Variants in UBAP2 observed in about 807,000 individuals in gnomAD.
UBAP2 encodes ubiquitin associated protein 2.
Under a neutral mutation model 139.6 loss-of-function variants are expected in UBAP2, and 75 were observed. That is an observed-to-expected ratio of 0.54 (90% CI 0.45 to 0.65). The LOEUF (loss-of-function observed/expected upper bound fraction) is 0.65. UBAP2 is among the 30% of genes least tolerant of loss of function. The pLI, the probability that UBAP2 is intolerant of heterozygous loss-of-function variation, is 0.00. For missense variants in UBAP2, 1,368 were observed against 1,369.6 expected, an observed-to-expected ratio of 1.00 and a Z score of 0.02; for synonymous variants, 526 against 526.2, an observed-to-expected ratio of 1.00 and a Z score of 0.01.
intron 8 of UBAP2, among the ~76,000 whole-genome samples, chr9:33,964,436 A>T (rs74849793): frequency 0.01 from 1,576 of 152,266 alleles, 17 homozygotes; most frequent in African/African-American, 0.029. Context: ...AGAAAATTTT[A>T]AAAAAAGTAA....
intron 22 of UBAP2, among the ~76,000 whole-genome samples, chr9:33,926,122 G>A (rs1459660947): frequency 6.6e-6 from 1 of 152,166 alleles, no homozygotes; most frequent in Admixed American, 6.5e-5. Context: ...TGGGAGGCCA[G>A]ACCCAGAAGA....
chr9:34,009,035 C>T (rs1434106781), intron 2 of UBAP2, among the ~76,000 whole-genome samples: 4 of 142,974 alleles, frequency 2.8e-5, no homozygotes, highest in African/African-American at 1.0e-4. Context: ...CTCTATCGTT[C>T]TTTGCAACTT....
intron 6 of UBAP2, among the ~76,000 whole-genome samples, chr9:33,981,988 G>A (rs1820807779): frequency 6.6e-6 from 1 of 152,114 alleles, no homozygotes. Flanking sequence ...CCTCTCTTCA[G>A]GATACTGGTG....
chr9:33,970,490 C>T (rs1294289145), intron 8 of UBAP2, among the ~76,000 whole-genome samples: 1 of 151,498 alleles, frequency 6.6e-6, no homozygotes, highest in Non-Finnish European at 1.5e-5. Context: ...AGTGCAGTGG[C>T]AAAATCATAG....
chr9:33,983,173 C>T (rs886188326), intron 6 of UBAP2, among the ~76,000 whole-genome samples: 4 of 152,004 alleles, frequency 2.6e-5, no homozygotes, highest in Admixed American at 6.6e-5. Flanking sequence ...CCACGGTGCC[C>T]GGCCCCCCTA....
chr9:33,945,000 C>T (rs538971929), intron 13 of UBAP2, among the ~76,000 whole-genome samples: 1 of 152,186 alleles, frequency 6.6e-6, no homozygotes, highest in East Asian at 1.9e-4. Flanking sequence ...CACAGTCACT[C>T]ATGCCTATAA....
chr9:33,930,852 C>T (rs1823912534), intron 19 of UBAP2, among the ~76,000 whole-genome samples: 2 of 140,000 alleles, frequency 1.4e-5, no homozygotes, highest in Non-Finnish European at 3.0e-5. Context: ...GCTGAGATTG[C>T]GCCATTGCAC....
chr9:33,981,103 GATATATATATAT>G (rs569105151), intron 6 of UBAP2, among the ~76,000 whole-genome samples: 10 of 602 alleles, frequency 0.017, 1 homozygote, highest in Admixed American at 0.025. Flanking sequence ...ATATATTCTG[GATATATATATAT>G]ATATATATAT....
At position 33,989,225 on chromosome 9, in the gene UBAP2, C is replaced by T. The variant is rs868517224; in HGVS notation, c.289-99G>A. 9 of 1,258,048 alleles carry T rather than the reference C, an allele frequency of 7.2e-6. No homozygotes were observed. In the African/African-American group the frequency reaches 8.4e-5, roughly 12 times the overall value. 77.9% of individuals were successfully genotyped at this position (1,258,048 alleles called of 1,614,324 possible). The stretch of plus-strand genomic sequence containing the variant: ...TTTCTTTTTTTTTTTTTTTTTGAGA[C>T]GGAGTCTCGCTCTGTCGCCCAGGCT... On this transcript the variant is annotated intron_variant, in intron 4 of 28. Transcript: ENST00000379238.
chr9:34,029,879 C>A (rs1474971583), intron 1 of UBAP2, among the ~76,000 whole-genome samples: 2 of 150,958 alleles, frequency 1.3e-5, no homozygotes, highest in African/African-American at 4.9e-5. Context: ...CCCAGCTACT[C>A]GGGAGGCTGA....
chr9:33,981,302 G>GATATATATATATATTCTGGAT (rs138281383), intron 6 of UBAP2, among the ~76,000 whole-genome samples: 1 of 42,290 alleles, frequency 2.4e-5, no homozygotes, highest in African/African-American at 1.2e-4. Context: ...ATATATTCTG[G>GATATATATATATATTCTGGAT]ATATATATAT....
chr9:33,959,178 T>C (rs1477115710), intron 10 of UBAP2, among the ~76,000 whole-genome samples: 2 of 152,010 alleles, frequency 1.3e-5, no homozygotes, highest in Non-Finnish European at 2.9e-5. Flanking sequence ...AAAGTACTTA[T>C]TTTTTACAAG....
intron 20 of UBAP2, 67 bp downstream of exon 20, chr9:33,927,730 C>T: frequency 6.6e-7 from 1 of 1,509,154 alleles, no homozygotes; most frequent in South Asian, 1.3e-5. Flanking sequence ...CACTGCCTTC[C>T]TGGGACGCCA....
At position 33,933,478 on chromosome 9, in the gene UBAP2, C is replaced by T; in HGVS notation, c.2108+12G>A. ...AGGTACTTCTCACTTTGGGCCCACA[C>T]CTTCCCCATACCTGCTAAGCTGAGA... On this transcript the variant is annotated intron_variant, in intron 18 of 28. Transcript: ENST00000379238. 6.2e-7 allele frequency: 1 copy of T among 1,613,292 alleles called. No homozygotes were observed. The highest frequency in any genetic ancestry group is 1.3e-5 in the African/African-American group (1 of 75,040).
intron 2 of UBAP2, among the ~76,000 whole-genome samples, chr9:34,013,035 T>G (rs902472058): frequency 6.7e-6 from 1 of 149,498 alleles, no homozygotes; most frequent in African/African-American, 2.5e-5. Context: ...ACAAGTGTAG[T>G]CCCAGCTACT....
At position 33,948,592 on chromosome 9, in the gene UBAP2, A is replaced by G; in HGVS notation, c.1057-5T>C. ...TCCTGAGCCAAGGACGGATGACTTT[A>G]AAAGGGGGATAAAAGAACAAATCCT... is the stretch of plus-strand genomic sequence containing the variant. On this transcript the variant is annotated splice_region_variant and splice_polypyrimidine_tract_variant and intron_variant, in intron 12 of 28. Coordinates refer to ENST00000379238, the MANE Select transcript of UBAP2 (RefSeq NM_001370062.2). 2 of 1,613,398 alleles carry G rather than the reference A, an allele frequency of 1.2e-6. No homozygotes were observed. Among genetic ancestry groups the G allele is most frequent in the Non-Finnish European group, 1.7e-6 (2 of 1,179,428 alleles).
intron 20 of UBAP2, among the ~76,000 whole-genome samples, chr9:33,927,370 G>T (rs908093450): frequency 3.3e-5 from 5 of 152,146 alleles, no homozygotes; most frequent in South Asian, 2.1e-4. Flanking sequence ...AATATAAAAA[G>T]AATCTGCCTC....
At chr9:33,961,222 T>C (rs899384765) in intron 9 of UBAP2, among the ~76,000 whole-genome samples, 5 of 152,234 alleles carry the variant, frequency 3.3e-5, no homozygotes, top group South Asian at 2.1e-4. Context: ...AGCACAAATA[T>C]AGACATTTAA....
intron 16 of UBAP2, chr9:33,938,907 T>C (rs375638224): frequency 2.2e-6 from 1 of 455,432 alleles, no homozygotes; most frequent in South Asian, 1.6e-5. Context: ...TGTCAAAGCA[T>C]CTCTGAGAAG....
Sources: gnomAD v4.1 joint callset for allele counts (sites outside exome capture counted in the v4.1 genomes callset) on GRCh38, gnomAD v4.1.1 for gene constraint, MANE v1.5 for transcripts, NCBI Gene and HGNC (gene_info 2026-07-23, HGNC 2026-07-21) for gene names.